Variants in TMEM132E observed in about 807,000 individuals in gnomAD.
The protein encoded by TMEM132E is transmembrane protein 132E.
Under a neutral mutation model 78.5 loss-of-function variants are expected in TMEM132E, and 49 were observed. That is an observed-to-expected ratio of 0.62 (90% CI 0.50 to 0.79). The LOEUF is 0.79. Among genes scored for constraint, TMEM132E ranks in the 30% least tolerant of loss-of-function variants. TMEM132E has a pLI of 0.00. For missense variants in TMEM132E, 1,403 were observed against 1,470.9 expected (o/e 0.95, Z 0.75); for synonymous variants, 715 against 670.6 (o/e 1.07, Z -1.02).
At chr17:34,601,096 G>A (rs899799972) in intron 1 of TMEM132E, among the ~76,000 whole-genome samples, 1 of 152,178 alleles carries the variant, frequency 6.6e-6, no homozygotes, top group East Asian at 1.9e-4. Flanking sequence ...AATCCCAGGG[G>A]GTGCAGTTTT....
chr17:34,593,021 C>G (rs754021673), intron 1 of TMEM132E, among the ~76,000 whole-genome samples: 1 of 152,074 alleles, frequency 6.6e-6, no homozygotes, highest in South Asian at 2.1e-4. Flanking sequence ...TTAATCTTGT[C>G]TATTTATCAC....
At chr17:34,624,697 G>T (rs1907065991) in intron 1 of TMEM132E, among the ~76,000 whole-genome samples, 1 of 152,136 alleles carries the variant, frequency 6.6e-6, no homozygotes, top group Non-Finnish European at 1.5e-5. Context: ...GGAGTCCTAG[G>T]AGAAAAAGGA....
intron 1 of TMEM132E, among the ~76,000 whole-genome samples, chr17:34,603,414 C>A (rs1411480568): frequency 6.6e-6 from 1 of 152,132 alleles, no homozygotes; most frequent in Non-Finnish European, 1.5e-5. Flanking sequence ...CAGCTAGCAC[C>A]CTGTATAGTC....
In TMEM132E at chr17:34,581,586, G is replaced by T. The variant is rs1597672487; in HGVS notation, c.67+443G>T. ...CGGGCGCGCAGGCCGGTGCGGGGCCGCGCCGCCCGTCGCCTCGCTTCCTGC... is the reference window on the plus strand; with the variant it reads ...CGGGCGCGCAGGCCGGTGCGGGGCCTCGCCGCCCGTCGCCTCGCTTCCTGC... On this transcript the variant is annotated intron_variant, in intron 1 of 8. Coordinates refer to ENST00000631683, the MANE Select transcript of TMEM132E (RefSeq NM_001304438.2). Among the ~76,000 whole-genome samples the T allele has an allele frequency of 2.7e-5, 4 of 150,782 alleles. No individual in the cohort carries two copies. The South Asian group carries it at 8.4e-4, about 32-fold the overall frequency.
chr17:34,613,225 G>GCGCGCGCGCGCGCGCGCA (rs1413683784), intron 1 of TMEM132E, among the ~76,000 whole-genome samples: 2 of 150,098 alleles, frequency 1.3e-5, no homozygotes, highest in African/African-American at 4.9e-5. Flanking sequence ...GCGCGCGCGC[G>GCGCGCGCGCGCGCGCGCA]CGTTCTTACA....
chr17:34,632,004 G>A (rs1170585680), intron 5 of TMEM132E, among the ~76,000 whole-genome samples: 1 of 152,208 alleles, frequency 6.6e-6, no homozygotes, highest in Non-Finnish European at 1.5e-5. Context: ...TTTCCATCCA[G>A]GGAACCTCTA....
chr17:34,629,237 C>G (rs774897720), intron 4 of TMEM132E, 33 bp downstream of exon 4: 1 of 1,607,314 alleles, frequency 6.2e-7, no homozygotes, highest in Admixed American at 1.7e-5. Flanking sequence ...CAGAAGATGC[C>G]TGGGTCTATG....
At chr17:34,602,302 G>T (rs1160851546) in intron 1 of TMEM132E, among the ~76,000 whole-genome samples, 1 of 152,236 alleles carries the variant, frequency 6.6e-6, no homozygotes, top group African/African-American at 2.4e-5. Context: ...AGAGATTGAG[G>T]CAGCAGCATA....
rs150343983 is a variant in TMEM132E, at chr17:34,627,021, C to T, written c.962C>T (p.Ser321Leu). 465 of 1,613,778 alleles carry T rather than the reference C, an allele frequency of 2.9e-4. 1 individual carries two copies. In the African/African-American group the frequency reaches 4.5e-3, roughly 16 times the overall value. ...CTCTATCTGGCCCCCAACTCCTCCT[C>T]GCCCTCCAGCCCCAGCGTGGAGCAC... is the stretch of plus-strand genomic sequence containing the variant. ...ILLYLAPNSS[S>L]PSSPSVEHFT... Residue 321 changes from serine to leucine, a missense_variant, in exon 2 of 9, where the codon TCG (serine) becomes TTG (leucine). Physicochemically the swap from Ser to Leu is moderately radical, Grantham distance 145 (BLOSUM62 -2). Around this residue, in one of 3 missense-constraint regions of TMEM132E, gnomAD observed 511 missense variants for 499.0 expected, o/e 1.02. Coordinates refer to ENST00000631683, the MANE Select transcript of TMEM132E (RefSeq NM_001304438.2).
intron 1 of TMEM132E, chr17:34,614,665 C>G (rs1018135224): frequency 6.6e-6 from 1 of 152,184 alleles, no homozygotes; most frequent in Admixed American, 6.5e-5. Context: ...AGCTTCTGTC[C>G]CCTACATCTG....
rs1468456778 is a variant in TMEM132E at position 34,628,492 on chromosome 17, ATGGTGGC to A, written c.999-70_999-64del. ...CCCCTCCCCCCAGTACAGTCTAGTG[ATGGTGGC>A]CAGGCAGGCAGCTTTGGGCTGTAGC... On this transcript the variant is annotated intron_variant, in intron 2 of 8. Coordinates refer to ENST00000631683, the MANE Select transcript of TMEM132E (RefSeq NM_001304438.2). The A allele has an allele frequency of 3.2e-6, 5 of 1,586,658 alleles. No homozygotes were observed. In the Admixed American group the frequency reaches 7.1e-5, roughly 22 times the overall value.
At position 34,628,599 on chromosome 17, in the gene TMEM132E, C is replaced by T; in HGVS notation, c.1035C>T (p.Thr345=). The change falls in exon 3 of 9, where the codon ACC becomes ACT. Residue 345 remains threonine (T), a synonymous_variant. Coordinates refer to ENST00000631683, the MANE Select transcript of TMEM132E (RefSeq NM_001304438.2). ...KAKKGVTLLG[T]KSRSGQWHVT... ...AGAAGGGTGTGACCCTTTTAGGTAC[C>T]AAGTCACGGAGTGGCCAGTGGCATG... The T allele has an allele frequency of 6.2e-7, 1 of 1,613,926 alleles. No individual in the cohort carries two copies. The highest frequency in any genetic ancestry group is 1.1e-5 in the South Asian group (1 of 91,044).
Position 34,638,149 on chromosome 17 carries a change from T to TC in TMEM132E, c.3142_3143insC (p.Cys1048SerfsTer47). The TC allele has an allele frequency of 1.2e-6, 2 of 1,610,244 alleles. No homozygotes were observed. The highest frequency in any genetic ancestry group is 1.7e-6 in the Non-Finnish European group (2 of 1,179,010). On this transcript the variant is annotated frameshift_variant, in exon 9 of 9. Transcript: ENST00000631683. LOFTEE classifies it high-confidence loss of function. Reference sequence around the variant, plus strand: ...GGAGGAAGAGGACCTGGGTTGGGGCTGCCCGGATGTGGCGGGCCCCACGCG... The same window carrying TC: ...GGAGGAAGAGGACCTGGGTTGGGGCTCGCCCGGATGTGGCGGGCCCCACGCG...
At chr17:34,606,024 G>T (rs758409) in intron 1 of TMEM132E, among the ~76,000 whole-genome samples, 103,373 of 151,958 alleles carry the variant, frequency 0.68, 35,441 homozygotes, top group East Asian at 0.86. Flanking sequence ...AGTATGGCCG[G>T]GTCATGCTAT....
At chr17:34,616,840 G>A in intron 1 of TMEM132E, among the ~76,000 whole-genome samples, 1 of 152,214 alleles carries the variant, frequency 6.6e-6, no homozygotes, top group South Asian at 2.1e-4. Flanking sequence ...TCCAGCCTGG[G>A]GTGGGGACAT....
At chr17:34,596,072 A>ATG (rs369148259) in intron 1 of TMEM132E, among the ~76,000 whole-genome samples, 3 of 149,166 alleles carry the variant, frequency 2.0e-5, no homozygotes, top group Non-Finnish European at 4.5e-5. Flanking sequence ...ACACACGCAC[A>ATG]ACTTGCATTC....
chr17:34,625,718 C>T (rs1907095175), intron 1 of TMEM132E, among the ~76,000 whole-genome samples: 1 of 152,194 alleles, frequency 6.6e-6, no homozygotes, highest in African/African-American at 2.4e-5. Context: ...CCAGAGTCCA[C>T]TCAGCCCTCT....
In TMEM132E at chr17:34,595,007, C is replaced by T. The variant is rs141621699; in HGVS notation, c.67+13864C>T. 2.4e-4 allele frequency among the ~76,000 whole-genome samples: 37 copies of T among 152,292 alleles called. No homozygotes were observed. The Middle Eastern group carries it at 0.01, about 42-fold the overall frequency. ...GCAAATAATTTCAGTGCAGTGTCAT[C>T]GATGCCAGGGTGCTGGAGGAGCAGG... On this transcript the variant is annotated intron_variant, in intron 1 of 8. Transcript: ENST00000631683.
Position 34,626,167 on chromosome 17 carries a change from G to C in TMEM132E, c.108G>C (p.Gly36=). ...ACCCGGCCAGCCCCAGCCCGCCGGG[G>C]CCGCAGGCCAGCCCGGTGCTGCCAG... ...RSHPASPSPP[G]PQASPVLPVS... is the part of the protein sequence containing the mutation. Residue 36 remains glycine, a synonymous_variant, in exon 2 of 9, where the codon GGG becomes GGC. Transcript: ENST00000631683. 1.3e-6 allele frequency: 2 copies of C among 1,554,070 alleles called. No homozygotes were observed. Among genetic ancestry groups the C allele is most frequent in the South Asian group, 2.4e-5 (2 of 83,286 alleles).
Sources: gnomAD v4.1 joint callset for allele counts (sites outside exome capture counted in the v4.1 genomes callset) on GRCh38, gnomAD v4.1.1 for gene constraint, gnomAD v4.1.1 regional missense constraint, MANE v1.5 for transcripts, NCBI Gene and HGNC (gene_info 2026-07-23, HGNC 2026-07-21) for gene names.